Variants in ZNF345 observed in about 807,000 individuals in gnomAD.
ZNF345 encodes zinc finger protein HZF10.
For synonymous variants in ZNF345, 166 were observed against 187.9 expected (o/e 0.88, Z 0.95); for missense variants, 527 against 589.9 (o/e 0.89, Z 1.10).
At chr19:36,861,520 G>A (rs188440104) in intron 2 of ZNF345, among the ~76,000 whole-genome samples, 21 of 152,092 alleles carry the variant, frequency 1.4e-4, no homozygotes, top group African/African-American at 5.1e-4. Flanking sequence ...TACTAAGTAG[G>A]GTTCAGTATT....
chr19:36,862,492 G>A (rs1055253960), intron 2 of ZNF345, among the ~76,000 whole-genome samples: 1 of 151,124 alleles, frequency 6.6e-6, no homozygotes, highest in Non-Finnish European at 1.5e-5. Context: ...GGGAAACCCC[G>A]TCTCTACCAA....
intron 1 of ZNF345, 159 bp downstream of exon 1, chr19:36,851,127 G>C (rs1317828302): frequency 2.6e-5 from 4 of 152,576 alleles, no homozygotes; most frequent in African/African-American, 9.7e-5. Flanking sequence ...CGGGGAGGAG[G>C]ACTTTTTGTT....
intron 2 of ZNF345, among the ~76,000 whole-genome samples, chr19:36,868,486 C>T (rs565107001): frequency 6.6e-6 from 1 of 152,218 alleles, no homozygotes; most frequent in South Asian, 2.1e-4. Flanking sequence ...TGTTCTTAGG[C>T]CAGTCCTTTT....
intron 2 of ZNF345, among the ~76,000 whole-genome samples, chr19:36,863,440 A>G (rs895664527): frequency 6.6e-6 from 1 of 152,212 alleles, no homozygotes; most frequent in Non-Finnish European, 1.5e-5. Context: ...TCCACTAGTA[A>G]GAGAGATCCC....
intron 2 of ZNF345, among the ~76,000 whole-genome samples, chr19:36,867,781 A>T (rs77073072): frequency 0.036 from 5,541 of 152,232 alleles, 150 homozygotes; most frequent in Non-Finnish European, 0.05. Context: ...CTTCTGGGAA[A>T]TCTATTAGTC....
chr19:36,876,721 T>C, intron 2 of ZNF345, 64 bp from the exon 3 acceptor site: 1 of 1,107,422 alleles, frequency 9.0e-7, no homozygotes, highest in Non-Finnish European at 1.3e-6. Flanking sequence ...TCGTATCTAT[T>C]ATAAACGTTT....
chr19:36,877,357 G>A lies in ZNF345; in HGVS notation c.527G>A (p.Cys176Tyr), dbSNP rs1398015665. ...IIHSGEKPYECKECGKSFSFE... is the reference protein window; with the variant it reads ...IIHSGEKPYEYKECGKSFSFE... ...CACAGTGGTGAGAAGCCTTATGAGT[G>A]TAAGGAATGTGGGAAGTCCTTTAGT... The change falls in exon 3 of 3, where the codon TGT becomes TAT. Residue 176 changes from cysteine (C) to tyrosine (Y), a missense_variant. By Grantham distance (194) the Cys-to-Tyr change is radical. Coordinates refer to ENST00000420450, the MANE Select transcript of ZNF345 (RefSeq NM_001242472.2). 8.7e-6 allele frequency: 14 copies of A among 1,614,022 alleles called. No individual in the cohort carries two copies. The highest frequency in any genetic ancestry group is 5.3e-5 in the African/African-American group (4 of 74,904).
chr19:36,862,700 CA>C (rs2072577216), intron 2 of ZNF345, among the ~76,000 whole-genome samples: 1 of 147,730 alleles, frequency 6.8e-6, no homozygotes, highest in Non-Finnish European at 1.5e-5. Flanking sequence ...TAAAACTATG[CA>C]AAAAGGTAAA....
At chr19:36,869,888 A>G (rs541335330) in intron 2 of ZNF345, among the ~76,000 whole-genome samples, 1 of 152,108 alleles carries the variant, frequency 6.6e-6, no homozygotes, top group African/African-American at 2.4e-5. Flanking sequence ...CAGCATCCCA[A>G]GTAGCTGGGA....
intron 2 of ZNF345, among the ~76,000 whole-genome samples, chr19:36,865,706 A>G (rs2072645405): frequency 6.6e-6 from 1 of 152,188 alleles, no homozygotes. Context: ...TAAGATCTGC[A>G]AACATCACTT....
rs199871319 is a variant in ZNF345 at position 36,877,402 on chromosome 19, G to A, written c.572G>A (p.Arg191Gln). The change falls in exon 3 of 3, where the codon CGG becomes CAG. Residue 191 changes from arginine (R) to glutamine (Q), a missense_variant. Coordinates refer to ENST00000420450, the MANE Select transcript of ZNF345 (RefSeq NM_001242472.2). Reference sequence around the variant, plus strand: ...TTTAGTTTTGAATCAGCCCTTATTCGGCATCACAGAATTCACACAGGTGAG... The same window carrying A: ...TTTAGTTTTGAATCAGCCCTTATTCAGCATCACAGAATTCACACAGGTGAG... ...KSFSFESALIRHHRIHTGEKP... is the reference protein window; with the variant it reads ...KSFSFESALIQHHRIHTGEKP... 1.4e-5 allele frequency: 23 copies of A among 1,612,994 alleles called. No individual in the cohort carries two copies. Among genetic ancestry groups the A allele is most frequent in the Non-Finnish European group, 1.9e-5 (22 of 1,179,706 alleles).
upstream of ZNF345, chr19:36,850,747 G>C (rs190351461): frequency 1.3e-5 from 2 of 152,366 alleles, no homozygotes; most frequent in Admixed American, 6.5e-5. Context: ...CAGGGGAATC[G>C]GGATGGCTGG....
intron 3 of ZNF345, among the ~76,000 whole-genome samples, chr19:36,885,927 A>C (rs1230804323): frequency 6.6e-6 from 1 of 152,070 alleles, no homozygotes; most frequent in African/African-American, 2.4e-5. Context: ...ACCTTTCCTG[A>C]TACCATCCTG....
chr19:36,865,768 G>A (rs1204828651), intron 2 of ZNF345, among the ~76,000 whole-genome samples: 5 of 152,122 alleles, frequency 3.3e-5, no homozygotes, highest in African/African-American at 4.8e-5. Flanking sequence ...AGCCTTTACG[G>A]ACATGCACAT....
At chr19:36,875,983 A>G (rs2072874604) in intron 2 of ZNF345, among the ~76,000 whole-genome samples, 1 of 152,130 alleles carries the variant, frequency 6.6e-6, no homozygotes, top group South Asian at 2.1e-4. Flanking sequence ...CAGGATATTT[A>G]TATATCTTCA....
At chr19:36,861,004 A>G (rs986337652) in intron 2 of ZNF345, among the ~76,000 whole-genome samples, 5 of 152,086 alleles carry the variant, frequency 3.3e-5, no homozygotes, top group East Asian at 1.9e-4. Flanking sequence ...GCATTCTACT[A>G]TAAAGAAGAG....
intron 3 of ZNF345, among the ~76,000 whole-genome samples, chr19:36,885,876 C>A (rs1008442994): frequency 6.6e-6 from 1 of 152,112 alleles, no homozygotes; most frequent in Non-Finnish European, 1.5e-5. Flanking sequence ...AAAGTAAATT[C>A]TTTCCCCCCA....
At chr19:36,892,262 TTC>T in intron 3 of ZNF345, 1 of 1,614,012 alleles carries the variant, frequency 6.2e-7, no homozygotes, top group African/African-American at 1.3e-5. Flanking sequence ...CCAAAATGAA[TTC>T]TCTGATGTTG....
At chr19:36,882,135 TTCAC>T (rs2072972186), downstream of ZNF345, among the ~76,000 whole-genome samples, 1 of 152,142 alleles carries the variant, frequency 6.6e-6, no homozygotes, top group African/African-American at 2.4e-5. Context: ...AAAAATATAT[TTCAC>T]TATTTTCTTT....
Sources: allele counts gnomAD v4.1 joint callset (sites outside exome capture counted in the v4.1 genomes callset), GRCh38; gene constraint gnomAD v4.1.1; transcripts MANE v1.5; gene names NCBI Gene and HGNC (gene_info 2026-07-23, HGNC 2026-07-21).